SIRPB2: variants seen among roughly 807,000 people sequenced by gnomAD.
The protein encoded by SIRPB2 is signal-regulatory protein beta-2.
SIRPB2 carries 18 observed loss-of-function variants against 27.1 expected under a neutral mutation model. The ratio of observed to expected loss-of-function variants is 0.66; its 90% CI spans 0.46 to 0.98. The LOEUF (loss-of-function observed/expected upper bound fraction) is 0.98, where lower values mean the gene tolerates loss of function less well. Among genes scored for constraint, SIRPB2 ranks in the 50% least tolerant of loss-of-function variants. The probability of loss-of-function intolerance (pLI) is 0.00; values close to 1 mark genes in which losing one functional copy is unlikely to be tolerated. For synonymous variants in SIRPB2, 150 were observed against 164.6 expected, an observed-to-expected ratio of 0.91 and a Z score of 0.68; for missense variants, 420 against 417.4, an observed-to-expected ratio of 1.01 and a Z score of -0.06.
At chr20:1,472,151 C>T (rs2090582793), downstream of SIRPB2, among the ~76,000 whole-genome samples, 1 of 152,138 alleles carries the variant, frequency 6.6e-6, no homozygotes, top group Non-Finnish European at 1.5e-5. Flanking sequence ...GGCATGCCCC[C>T]TGCTCTGTCT....
intron 1 of SIRPB2, among the ~76,000 whole-genome samples, chr20:1,486,990 T>C (rs955869123): frequency 6.6e-6 from 1 of 152,030 alleles, no homozygotes; most frequent in African/African-American, 2.4e-5. Context: ...GTGAAAAAGG[T>C]AGTAGGAAAT....
At chr20:1,486,978 C>G (rs2090733309) in intron 1 of SIRPB2, among the ~76,000 whole-genome samples, 1 of 151,788 alleles carries the variant, frequency 6.6e-6, no homozygotes. Flanking sequence ...TAGGTACTAA[C>G]TGTGAAAAAG....
rs960406215 is a variant in SIRPB2 at position 1,487,710 on chromosome 20, G to A, written c.85+3565C>T. Among the ~76,000 whole-genome samples, 6 of 152,266 alleles carry A rather than the reference G, an allele frequency of 3.9e-5. No homozygotes were observed. The East Asian group carries it at 5.8e-4, about 15-fold the overall frequency. On this transcript the variant is annotated intron_variant, in intron 1 of 4. Coordinates refer to ENST00000359801, the MANE Select transcript of SIRPB2 (RefSeq NM_001122962.2). ...GTGCAGTGCTATTTTGGGTGTGATC[G>A]TCATAGCACACTGCAGCCTCAAACT...
At position 1,479,728 on chromosome 20, in the gene SIRPB2, C is replaced by T. The variant is rs370147802; in HGVS notation, c.423G>A (p.Ser141=). The T allele has an allele frequency of 6.6e-5, 106 of 1,614,140 alleles. No individual in the cohort carries two copies. The African/African-American group carries it at 6.8e-4, about 10-fold the overall frequency. The part of the protein sequence containing the change: ...DGLSEHSEMK[S]DEGTSVLVKG... ...TCACAAGCACTGAGGTGCCTTCATC[C>T]GATTTCATTTCTGAGTGTTCACTCA... Residue 141 remains serine, a synonymous_variant, in exon 2 of 5, where the codon TCG becomes TCA. Coordinates refer to ENST00000359801, the MANE Select transcript of SIRPB2 (RefSeq NM_001122962.2).
downstream of SIRPB2, chr20:1,470,924 C>T (rs1012898654): frequency 6.6e-6 from 1 of 152,224 alleles, no homozygotes; most frequent in Non-Finnish European, 1.5e-5. Context: ...CTGCTGCTGG[C>T]TCGTTCTTTC....
chr20:1,488,643 G>A (rs987857532), intron 1 of SIRPB2, among the ~76,000 whole-genome samples: 16 of 49,124 alleles, frequency 3.3e-4, no homozygotes, highest in African/African-American at 1.2e-3. Flanking sequence ...GTGAGACCCT[G>A]TCTCAAAAAA....
In SIRPB2 at chr20:1,476,100, T is replaced by C. The variant is rs965821518; in HGVS notation, c.*67A>G. 5.6e-5 allele frequency: 88 copies of C among 1,562,030 alleles called. No individual in the cohort carries two copies. Among genetic ancestry groups the C allele is most frequent in the Non-Finnish European group, 7.5e-5 (87 of 1,153,408 alleles). On this transcript the variant is annotated 3_prime_UTR_variant, in exon 5 of 5. Transcript: ENST00000359801. ...GGCACCTAGAGGCTGGGACTGGAGG[T>C]AGGGAAATGGTTGAGGAGCCCTGGC... is the stretch of plus-strand genomic sequence containing the variant.
At chr20:1,488,221 T>C (rs1348325266) in intron 1 of SIRPB2, among the ~76,000 whole-genome samples, 1 of 152,158 alleles carries the variant, frequency 6.6e-6, no homozygotes, top group Non-Finnish European at 1.5e-5. Context: ...CCATAATATA[T>C]AACGAACTCT....
At chr20:1,477,020 C>T in intron 4 of SIRPB2, 1 of 1,297,234 alleles carries the variant, frequency 7.7e-7, no homozygotes, top group Non-Finnish European at 9.9e-7. Context: ...AGCTACAAAG[C>T]CATGTTCTCC....
chr20:1,476,657 C>T (rs1449360672), intron 4 of SIRPB2: 2 of 1,007,752 alleles, frequency 2.0e-6, no homozygotes, highest in Non-Finnish European at 2.4e-6. Context: ...AGGAGACAGA[C>T]CCAGAGTGGG....
At chr20:1,483,108 A>ATTTT (rs35280142) in intron 1 of SIRPB2, among the ~76,000 whole-genome samples, 22 of 136,440 alleles carry the variant, frequency 1.6e-4, no homozygotes, top group African/African-American at 5.7e-4. Context: ...CATCCTCATC[A>ATTTT]TTTTTTTTTT....
At chr20:1,488,378 G>A (rs1169982332) in intron 1 of SIRPB2, among the ~76,000 whole-genome samples, 2 of 152,108 alleles carry the variant, frequency 1.3e-5, no homozygotes, top group East Asian at 1.9e-4. Context: ...CTAGGACTTC[G>A]GGAGGCTGAG....
At chr20:1,482,752 G>A (rs1361073411) in intron 1 of SIRPB2, among the ~76,000 whole-genome samples, 1 of 149,470 alleles carries the variant, frequency 6.7e-6, no homozygotes, top group African/African-American at 2.6e-5. Context: ...TGCTGTGAAT[G>A]ACTACATGAT....
intron 1 of SIRPB2, among the ~76,000 whole-genome samples, chr20:1,487,443 T>A (rs533553956): frequency 1.3e-5 from 2 of 152,326 alleles, no homozygotes; most frequent in Admixed American, 1.3e-4. Flanking sequence ...TTAGCATTGA[T>A]AAACTAAATC....
Position 1,479,969 on chromosome 20 carries a change from A to G in SIRPB2, c.182T>C (p.Met61Thr). Residue 61 changes from methionine to threonine, a missense_variant, in exon 2 of 5, where the codon ATG (methionine) becomes ACG (threonine). Coordinates refer to ENST00000359801, the MANE Select transcript of SIRPB2 (RefSeq NM_001122962.2). ...AEGETLLLRC[M>T]VVGSCTDGMI... The stretch of plus-strand genomic sequence containing the variant: ...ACCATCAGTGCAGGAGCCGACCACC[A>G]TACACCTCAGTAGAAGTGTCTCACC... 1 of 1,614,158 alleles carries G rather than the reference A, an allele frequency of 6.2e-7. No individual in the cohort carries two copies. The highest frequency in any genetic ancestry group is 1.1e-5 in the South Asian group (1 of 91,078).
At position 1,476,267 on chromosome 20, in the gene SIRPB2, GC is replaced by G. The variant is rs759273004; in HGVS notation, c.928del (p.Ala310ProfsTer23). On this transcript the variant is annotated frameshift_variant, in exon 5 of 5. Coordinates refer to ENST00000359801, the MANE Select transcript of SIRPB2 (RefSeq NM_001122962.2). LOFTEE classifies it low-confidence loss of function (END_TRUNC). ...KAITLAALLL[A>X]LATSRRSPGQ... The stretch of plus-strand genomic sequence containing the variant: ...AGGGCTCCTCCGAGAGGTAGCCAGG[GC>G]CAGTAGGAGTGCAGCCAAGGTAATT... 3.1e-6 allele frequency: 5 copies of G among 1,614,056 alleles called. No individual in the cohort carries two copies.
At chr20:1,477,199 T>C (rs2090614733) in intron 4 of SIRPB2, 139 bp downstream of exon 4, 2 of 1,608,988 alleles carry the variant, frequency 1.2e-6, no homozygotes, top group Admixed American at 1.7e-5. Flanking sequence ...AGTTCTGCAG[T>C]TGAGATGAAG....
chr20:1,475,861 G>A lies in SIRPB2; in HGVS notation c.*306C>T, dbSNP rs2090601666. 2 of 285,106 alleles carry A rather than the reference G, an allele frequency of 7.0e-6. No individual in the cohort carries two copies. Among genetic ancestry groups the A allele is most frequent in the Non-Finnish European group, 1.3e-5 (2 of 151,374 alleles). The allele number at this position is 285,106 out of a possible 1,614,324, so 17.7% of individuals were successfully genotyped here. ...TGGAGGCCAAGAAGGATGTAGCGAGGTGGGGAAAGGGGCAGGGCGCACCAG... is the reference window on the plus strand; with the variant it reads ...TGGAGGCCAAGAAGGATGTAGCGAGATGGGGAAAGGGGCAGGGCGCACCAG... On this transcript the variant is annotated 3_prime_UTR_variant, in exon 5 of 5. Coordinates refer to ENST00000359801, the MANE Select transcript of SIRPB2 (RefSeq NM_001122962.2).
Position 1,476,252 on chromosome 20 carries a change from C to G in SIRPB2, c.944G>C (p.Arg315Pro). 1.2e-6 allele frequency: 2 copies of G among 1,614,022 alleles called. No homozygotes were observed. The highest frequency in any genetic ancestry group is 2.2e-5 in the East Asian group (1 of 44,862). Residue 315 changes from arginine to proline, a missense_variant, in exon 5 of 5, where the codon CGG becomes CCG. Physicochemically the swap from Arg to Pro is moderately radical, Grantham distance 103 (BLOSUM62 -2). Transcript: ENST00000359801. The stretch of plus-strand genomic sequence containing the variant: ...GACATCTTCTTGCCCAGGGCTCCTC[C>G]GAGAGGTAGCCAGGGCCAGTAGGAG... ...AALLLALATS[R>P]RSPGQEDVKT... is the part of the protein sequence containing the mutation.
Sources: allele counts gnomAD v4.1 joint callset (sites outside exome capture counted in the v4.1 genomes callset), GRCh38; gene constraint gnomAD v4.1.1; transcripts MANE v1.5; gene names NCBI Gene and HGNC (gene_info 2026-07-23, HGNC 2026-07-21).